MYO3A: variants seen among roughly 807,000 people sequenced by gnomAD.
MYO3A encodes myosin IIIA.
A neutral mutation model predicts 192.7 loss-of-function variants in MYO3A; 180 were observed. That is an observed-to-expected ratio of 0.93 (90% CI 0.83 to 1.06). The LOEUF is 1.06. Among genes scored for constraint, MYO3A ranks in the 50% least tolerant of loss-of-function variants. MYO3A has a pLI of 0.00. For missense variants in MYO3A, 1,896 were observed against 1,905.0 expected (o/e 1.00, Z 0.09); for synonymous variants, 628 against 645.3 (o/e 0.97, Z 0.41).
intron 4 of MYO3A, among the ~76,000 whole-genome samples, chr10:25,984,366 G>T (rs1236937385): frequency 6.6e-6 from 1 of 152,148 alleles, no homozygotes; most frequent in Non-Finnish European, 1.5e-5. Flanking sequence ...GTCTTCAGAA[G>T]ACTCACCTAA....
chr10:26,159,749 C>T (rs776131734), intron 26 of MYO3A, among the ~76,000 whole-genome samples: 7 of 152,086 alleles, frequency 4.6e-5, no homozygotes, highest in Non-Finnish European at 8.8e-5. Flanking sequence ...ACTCTACTAC[C>T]TTTTTCATGA....
chr10:26,210,117 G>A (rs1178474595), intron 34 of MYO3A, among the ~76,000 whole-genome samples: 2 of 110,614 alleles, frequency 1.8e-5, no homozygotes, highest in African/African-American at 1.2e-4. Flanking sequence ...AGAGAGAGAA[G>A]GGAGGGAGGG....
intron 31 of MYO3A, 147 bp downstream of exon 31, chr10:26,176,992 TAC>T (rs1365172073): frequency 2.1e-6 from 2 of 934,792 alleles, no homozygotes; most frequent in African/African-American, 1.7e-5. Context: ...TATATGGAGA[TAC>T]AGTTTTTTTA....
At chr10:26,056,214 G>A (rs1457080703) in intron 10 of MYO3A, among the ~76,000 whole-genome samples, 3 of 152,094 alleles carry the variant, frequency 2.0e-5, no homozygotes, top group South Asian at 4.2e-4. Flanking sequence ...AACCTTAATG[G>A]GCTCATTAGT....
At chr10:26,134,789 G>C (rs891414265) in intron 20 of MYO3A, among the ~76,000 whole-genome samples, 1 of 152,072 alleles carries the variant, frequency 6.6e-6, no homozygotes, top group African/African-American at 2.4e-5. Flanking sequence ...TTTGATAAAG[G>C]AGGATTTTTG....
chr10:26,088,074 G>A (rs1836452348), intron 14 of MYO3A, 129 bp from the exon 15 acceptor site: 2 of 732,292 alleles, frequency 2.7e-6, no homozygotes, highest in Admixed American at 5.8e-5. Context: ...TGTAACATCT[G>A]CCAATATATC....
At chr10:26,120,627 G>A in intron 17 of MYO3A, 49 bp from the exon 18 acceptor site, 1 of 1,612,174 alleles carries the variant, frequency 6.2e-7, no homozygotes, top group South Asian at 1.1e-5. Context: ...TCACTGGTTG[G>A]CTGTACTCAA....
At chr10:25,950,041 C>T (rs534764563) in intron 2 of MYO3A, among the ~76,000 whole-genome samples, 1 of 152,108 alleles carries the variant, frequency 6.6e-6, no homozygotes, top group South Asian at 2.1e-4. Context: ...ATAACAAAGC[C>T]CATACCCTCA....
chr10:26,039,169 C>T (rs1304815381), intron 10 of MYO3A, among the ~76,000 whole-genome samples: 8 of 149,212 alleles, frequency 5.4e-5, no homozygotes, highest in African/African-American at 1.5e-4. Context: ...GCCTCCTGAA[C>T]AGCTGGGATT....
chr10:26,153,963 T>G (rs1589045891), intron 24 of MYO3A, 34 bp downstream of exon 24: 1 of 1,424,964 alleles, frequency 7.0e-7, no homozygotes, highest in Non-Finnish European at 9.9e-7. Context: ...GCAGTGAGTC[T>G]AAGAATCTAA....
At chr10:25,955,974 T>C (rs1002979152) in intron 4 of MYO3A, among the ~76,000 whole-genome samples, 1 of 152,096 alleles carries the variant, frequency 6.6e-6, no homozygotes, top group African/African-American at 2.4e-5. Flanking sequence ...AGGCTGGAAG[T>C]CCAAGATCCA....
At chr10:25,964,852 G>T (rs1402588178) in intron 4 of MYO3A, among the ~76,000 whole-genome samples, 1 of 152,098 alleles carries the variant, frequency 6.6e-6, no homozygotes, top group Admixed American at 6.6e-5. Context: ...TGTTTGAAGG[G>T]TATTTCACTG....
chr10:26,205,483 G>A (rs541639282), intron 34 of MYO3A, among the ~76,000 whole-genome samples: 1 of 144,828 alleles, frequency 6.9e-6, no homozygotes, highest in Admixed American at 6.8e-5. Context: ...TTTTTTTGGG[G>A]GGGGGCTTCC....
rs147265939 is a variant in MYO3A at position 26,154,754 on chromosome 10, T to C, written c.2724T>C (p.Thr908=). The C allele has an allele frequency of 5.0e-5, 80 of 1,613,620 alleles. No homozygotes were observed. Among genetic ancestry groups the C allele is most frequent in the Non-Finnish European group, 6.4e-5 (76 of 1,179,784 alleles). Residue 908 remains threonine (T), a synonymous_variant, in exon 25 of 35, where the codon ACT becomes ACC. Coordinates refer to ENST00000642920, the MANE Select transcript of MYO3A (RefSeq NM_017433.5). ...TTCCTTGGTCTCCTTAGGGCGACAC[T>C]GGAGAAGCCACACGTCATGCCAGAG... ...EKLINLAKGD[T]GEATRHARET... is the part of the protein sequence containing the mutation.
At chr10:26,051,961 A>G (rs1490933317) in intron 10 of MYO3A, among the ~76,000 whole-genome samples, 1 of 152,214 alleles carries the variant, frequency 6.6e-6, no homozygotes, top group Non-Finnish European at 1.5e-5. Context: ...ATGGTAATGA[A>G]TGAGCAAGAA....
chr10:26,044,510 G>T (rs1374307187), intron 10 of MYO3A, among the ~76,000 whole-genome samples: 1 of 152,340 alleles, frequency 6.6e-6, no homozygotes, highest in South Asian at 2.1e-4. Flanking sequence ...CCTTCTTTGG[G>T]TGAGTGTCAG....
chr10:26,093,437 T>C (rs1836824316), intron 15 of MYO3A, among the ~76,000 whole-genome samples: 1 of 152,220 alleles, frequency 6.6e-6, no homozygotes, highest in African/African-American at 2.4e-5. Flanking sequence ...GCAATGTTGG[T>C]GTTACTTGCA....
Position 26,026,453 on chromosome 10 carries a change from G to T in MYO3A, c.874G>T (p.Gly292Cys), listed in dbSNP as rs1292197236. The stretch of plus-strand genomic sequence containing the variant: ...GCATAAATTCATTACTCAAATTGAG[G>T]GCAAAGATGTGATGCTACAAAAACA... Reference protein sequence around the residue: ...LQHKFITQIEGKDVMLQKQLT... With the variant: ...LQHKFITQIECKDVMLQKQLT... The change falls in exon 10 of 35, where the codon GGC becomes TGC. Residue 292 changes from glycine to cysteine, a missense_variant. By Grantham distance (159) the Gly-to-Cys change is radical. Transcript: ENST00000642920. 1.9e-6 allele frequency: 3 copies of T among 1,613,854 alleles called. No homozygotes were observed. The highest frequency in any genetic ancestry group is 2.5e-6 in the Non-Finnish European group (3 of 1,179,974).
intron 2 of MYO3A, among the ~76,000 whole-genome samples, chr10:25,940,671 T>G (rs1836431355): frequency 6.6e-6 from 1 of 152,208 alleles, no homozygotes; most frequent in South Asian, 2.1e-4. Flanking sequence ...TCATTTTGCC[T>G]TTCATCTTGA....
Sources: allele counts gnomAD v4.1 joint callset (sites outside exome capture counted in the v4.1 genomes callset), GRCh38; gene constraint gnomAD v4.1.1; transcripts MANE v1.5; gene names NCBI Gene and HGNC (gene_info 2026-07-23, HGNC 2026-07-21).